The following CWC22 variants were observed in gnomAD, a reference collection of about 807,000 sequenced individuals.
The protein encoded by CWC22 is CWC22 spliceosome associated protein.
In CWC22, 53 loss-of-function variants were observed where a neutral mutation model predicts 117.2. That is an observed-to-expected ratio of 0.45 (90% CI 0.36 to 0.57). The LOEUF is 0.57. CWC22 is among the 20% of genes least tolerant of loss of function. CWC22 has a pLI of 0.00. For missense variants in CWC22, 980 were observed against 1,068.8 expected, an observed-to-expected ratio of 0.92 and a Z score of 1.16; for synonymous variants, 360 against 355.6, an observed-to-expected ratio of 1.01 and a Z score of -0.14.
At chr2:179,985,129 A>C (rs1687386127) in intron 4 of CWC22, among the ~76,000 whole-genome samples, 1 of 152,050 alleles carries the variant, frequency 6.6e-6, no homozygotes, top group African/African-American at 2.4e-5. Flanking sequence ...TGTAACTAGT[A>C]ACTAAAACTT....
rs754964341 is a variant in CWC22 at position 179,945,694 on chromosome 2, C to T, written c.2162G>A (p.Gly721Glu). 25 of 1,593,468 alleles carry T rather than the reference C, an allele frequency of 1.6e-5. No individual in the cohort carries two copies. In the African/African-American group the frequency reaches 2.7e-4, roughly 17 times the overall value. The part of the protein sequence containing the change: ...SASANDVRKK[G>E]HGKTRSKEVD... ...CTCTTTACTTCTGGTCTTCCCATGT[C>T]CCTTCTTTCTTACATCATTAGCTGC... The change falls in exon 20 of 20, where the codon GGA (glycine) becomes GAA (glutamate). Residue 721 changes from glycine (G) to glutamate (E), a missense_variant. By Grantham distance (98) the Gly-to-Glu change is moderately conservative. This residue lies in a region of CWC22 where 306 missense variants were observed against 296.8 expected (regional missense o/e 1.03). Transcript: ENST00000410053.
intron 16 of CWC22, among the ~76,000 whole-genome samples, chr2:179,953,078 T>C (rs1257397720): frequency 6.6e-6 from 1 of 152,040 alleles, no homozygotes; most frequent in Non-Finnish European, 1.5e-5. Context: ...TAAAGAAATA[T>C]TTTTAGGGAA....
At position 179,950,595 on chromosome 2, in the gene CWC22, T is replaced by C; in HGVS notation, c.2057A>G (p.Asp686Gly). The C allele has an allele frequency of 6.2e-7, 1 of 1,613,470 alleles. No individual in the cohort carries two copies. Among genetic ancestry groups the C allele is most frequent in the Non-Finnish European group, 8.5e-7 (1 of 1,179,548 alleles). ...TGAACTGCTATCACTGCTGTCAGAA[T>C]CAGAGTCGGATGAGTCAGACTCTGA... is the stretch of plus-strand genomic sequence containing the variant. ...SSSESDSSDS[D>G]SDSSDSSSES... Residue 686 changes from aspartate (D) to glycine (G), a missense_variant, in exon 19 of 20, where the codon GAT (aspartate) becomes GGT (glycine). Coordinates refer to ENST00000410053, the MANE Select transcript of CWC22 (RefSeq NM_020943.3).
chr2:179,952,381 G>A (rs1457692776), intron 17 of CWC22, 90 bp downstream of exon 17: 3 of 897,496 alleles, frequency 3.3e-6, no homozygotes, highest in African/African-American at 1.7e-5. Flanking sequence ...CTTAGCTCTT[G>A]TTTTTACAGT....
chr2:179,992,545 T>A (rs7582891), intron 2 of CWC22, among the ~76,000 whole-genome samples: 1 of 152,272 alleles, frequency 6.6e-6, no homozygotes, highest in Non-Finnish European at 1.5e-5. Flanking sequence ...CCCCTACCCT[T>A]TTCTACTTCT....
At chr2:179,955,626 T>C (rs949781441) in intron 14 of CWC22, among the ~76,000 whole-genome samples, 8 of 152,010 alleles carry the variant, frequency 5.3e-5, no homozygotes, top group Admixed American at 3.3e-4. Flanking sequence ...GACCTATCTA[T>C]ATGGATCTAT....
At chr2:179,990,890 C>T (rs777451479) in intron 2 of CWC22, among the ~76,000 whole-genome samples, 12 of 152,098 alleles carry the variant, frequency 7.9e-5, no homozygotes, top group Admixed American at 3.9e-4. Flanking sequence ...ACAGTGCTAA[C>T]GGATGAAAGT....
chr2:179,967,130 T>G (rs536097981), intron 11 of CWC22, among the ~76,000 whole-genome samples: 1 of 152,338 alleles, frequency 6.6e-6, no homozygotes, highest in East Asian at 1.9e-4. Flanking sequence ...TCCTGCTGTT[T>G]TCCCAAACGC....
Position 179,950,515 on chromosome 2 carries a change from AG to A in CWC22, c.2136del (p.Ser713GlnfsTer5). The A allele has an allele frequency of 6.3e-7, 1 of 1,598,344 alleles. No individual in the cohort carries two copies. Among genetic ancestry groups the A allele is most frequent in the Non-Finnish European group, 8.6e-7 (1 of 1,167,870 alleles). ...DSSSISSHSS[A>X]SANDVRKKGH... is the part of the protein sequence containing the mutation. Reference sequence around the variant, plus strand: ...AATTACACATAAGCTTCAATACCTGAGGCAGAGCTATGACTACTGATGGATG... The same window carrying A: ...AATTACACATAAGCTTCAATACCTGAGCAGAGCTATGACTACTGATGGATG... On this transcript the variant is annotated frameshift_variant, in exon 19 of 20. Transcript: ENST00000410053. LOFTEE classifies it high-confidence loss of function.
chr2:179,977,375 T>C (rs1355937713), intron 6 of CWC22, among the ~76,000 whole-genome samples: 2 of 152,170 alleles, frequency 1.3e-5, no homozygotes, highest in African/African-American at 2.4e-5. Context: ...ACATGTATAA[T>C]GGAATACTAT....
At position 179,944,963 on chromosome 2, in the gene CWC22, C is replaced by A; in HGVS notation, c.*166G>T. 2.0e-6 allele frequency: 1 copy of A among 508,748 alleles called. No individual in the cohort carries two copies. Among genetic ancestry groups the A allele is most frequent in the Non-Finnish European group, 3.4e-6 (1 of 295,756 alleles). 31.5% of individuals were successfully genotyped at this position (508,748 alleles called of 1,614,324 possible). On this transcript the variant is annotated 3_prime_UTR_variant, in exon 20 of 20. Coordinates refer to ENST00000410053, the MANE Select transcript of CWC22 (RefSeq NM_020943.3). ...TTTTCAAATAATTTTATGGGTAGGG[C>A]CTTGAGATGTATCAATTATAAAACA...
chr2:179,954,157 A>C, intron 16 of CWC22, 48 bp downstream of exon 16: 5 of 1,447,696 alleles, frequency 3.5e-6, no homozygotes, highest in Non-Finnish European at 3.8e-6. Context: ...AATCTATTTG[A>C]GAACAGGGAA....
chr2:179,947,519 T>A (rs1686340437), intron 19 of CWC22, among the ~76,000 whole-genome samples: 1 of 152,264 alleles, frequency 6.6e-6, no homozygotes. Flanking sequence ...AGTTCTCTAC[T>A]GAAATTATAT....
chr2:179,973,627 TA>T lies in CWC22; in HGVS notation c.750+6del, dbSNP rs777757237. On this transcript the variant is annotated splice_donor_region_variant and intron_variant, in intron 7 of 19. Transcript: ENST00000410053. ...TATCATTCTACTTACAAGCCATTCA[TA>T]TATACCTTGTCATTTCTTCGATAGC... 1.3e-6 allele frequency: 2 copies of T among 1,556,130 alleles called. No individual in the cohort carries two copies. The highest frequency in any genetic ancestry group is 1.8e-6 in the Non-Finnish European group (2 of 1,139,114).
chr2:179,945,256 T>C lies in CWC22; in HGVS notation c.2600A>G (p.Asp867Gly). Residue 867 changes from aspartate to glycine, a missense_variant, in exon 20 of 20, where the codon GAT becomes GGT. This residue lies in a region of CWC22 where 306 missense variants were observed against 296.8 expected (regional missense o/e 1.03). Transcript: ENST00000410053. ...MNRKHSGSRS[D>G]EDRYQNGAER... Reference sequence around the variant, plus strand: ...GGCACCATTTTGATATCTATCTTCATCACTTCTTGAGCCTGAGTGCTTTCT... The same window carrying C: ...GGCACCATTTTGATATCTATCTTCACCACTTCTTGAGCCTGAGTGCTTTCT... The C allele has an allele frequency of 6.2e-7, 1 of 1,613,846 alleles. No homozygotes were observed. Among genetic ancestry groups the C allele is most frequent in the Non-Finnish European group, 8.5e-7 (1 of 1,179,804 alleles).
intron 4 of CWC22, among the ~76,000 whole-genome samples, chr2:179,983,477 T>C (rs190423058): frequency 7.6e-4 from 116 of 152,306 alleles, no homozygotes; most frequent in Non-Finnish European, 8.1e-4. Flanking sequence ...TATTCCATGG[T>C]GTATAAGTAC....
In CWC22 at chr2:179,945,272, A is replaced by T; in HGVS notation, c.2584T>A (p.Ser862Thr). 1 of 1,613,608 alleles carries T rather than the reference A, an allele frequency of 6.2e-7. No individual in the cohort carries two copies. The highest frequency in any genetic ancestry group is 1.7e-5 in the Admixed American group (1 of 60,014). The part of the protein sequence containing the change: ...SKSKEMNRKH[S>T]GSRSDEDRYQ... ...CTATCTTCATCACTTCTTGAGCCTGAGTGCTTTCTATTCATTTCCTTTGAC... is the reference window on the plus strand; with the variant it reads ...CTATCTTCATCACTTCTTGAGCCTGTGTGCTTTCTATTCATTTCCTTTGAC... Residue 862 changes from serine to threonine, a missense_variant, in exon 20 of 20, where the codon TCA becomes ACA. Ser to Thr is a moderately conservative substitution (Grantham distance 58). Around this residue, in one of 3 missense-constraint regions of CWC22, gnomAD observed 306 missense variants for 296.8 expected, o/e 1.03. Coordinates refer to ENST00000410053, the MANE Select transcript of CWC22 (RefSeq NM_020943.3).
rs765908035 is a variant in CWC22, at chr2:179,970,868, C to T, written c.941-12G>A. 7 of 1,610,996 alleles carry T rather than the reference C, an allele frequency of 4.3e-6. No homozygotes were observed. In the South Asian group the frequency reaches 6.6e-5, roughly 15 times the overall value. On this transcript the variant is annotated splice_polypyrimidine_tract_variant and intron_variant, in intron 9 of 19. Coordinates refer to ENST00000410053, the MANE Select transcript of CWC22 (RefSeq NM_020943.3). The stretch of plus-strand genomic sequence containing the variant: ...GCGTTCAAATATAGCTAAAAGTTAA[C>T]AGAAAGAAAAGACAATAAAATAAGC...
At chr2:179,969,100 T>C (rs1250222088) in intron 11 of CWC22, among the ~76,000 whole-genome samples, 2 of 152,100 alleles carry the variant, frequency 1.3e-5, no homozygotes, top group African/African-American at 2.4e-5. Context: ...TAAAAGAAAG[T>C]ACTACTTTCC....
Sources: allele counts gnomAD v4.1 joint callset (sites outside exome capture counted in the v4.1 genomes callset), GRCh38; gene constraint gnomAD v4.1.1; regional missense constraint gnomAD v4.1.1; transcripts MANE v1.5; gene names NCBI Gene and HGNC (gene_info 2026-07-23, HGNC 2026-07-21).